The following PTPRD variants were observed in gnomAD, a reference collection of about 807,000 sequenced individuals.
The protein encoded by PTPRD is protein tyrosine phosphatase receptor type D, also known as receptor-type tyrosine-protein phosphatase delta.
Under a neutral mutation model 214.5 loss-of-function variants are expected in PTPRD, and 34 were observed. That is an observed-to-expected ratio of 0.16 (90% CI 0.12 to 0.21). The LOEUF is 0.21. PTPRD is among the 10% of genes least tolerant of loss of function. The pLI, the probability that PTPRD is intolerant of heterozygous loss-of-function variation, is 1.00. For synonymous variants in PTPRD, 1,128 were observed against 845.7 expected, an observed-to-expected ratio of 1.33 and a Z score of -5.79; for missense variants, 2,545 against 2,398.7, an observed-to-expected ratio of 1.06 and a Z score of -1.27.
At chr9:8,470,942 A>G (rs756531199) in intron 31 of PTPRD, 53 bp downstream of exon 31, 58 of 1,507,664 alleles carry the variant, frequency 3.8e-5, no homozygotes, top group Non-Finnish European at 5.1e-5. Context: ...GGGGGCGGAA[A>G]TGCAGCAGAT....
chr9:9,538,824 A>T (rs1234513239), intron 8 of PTPRD, among the ~76,000 whole-genome samples: 3 of 151,982 alleles, frequency 2.0e-5, no homozygotes, highest in Admixed American at 6.6e-5. Context: ...CTGAACCTAC[A>T]TTCAAATTCA....
At chr9:9,273,186 C>A (rs1320165924) in intron 9 of PTPRD, among the ~76,000 whole-genome samples, 3 of 151,172 alleles carry the variant, frequency 2.0e-5, no homozygotes, top group Admixed American at 6.6e-5. Context: ...CAATATATGG[C>A]AAAAATGATT....
chr9:9,460,871 T>C (rs1307179222), intron 8 of PTPRD, among the ~76,000 whole-genome samples: 1 of 152,074 alleles, frequency 6.6e-6, no homozygotes, highest in Non-Finnish European at 1.5e-5. Flanking sequence ...ATACCTGCAC[T>C]CTTACGTTTA....
intron 7 of PTPRD, among the ~76,000 whole-genome samples, chr9:9,602,840 T>C (rs1354640096): frequency 6.6e-6 from 1 of 152,168 alleles, no homozygotes; most frequent in Non-Finnish European, 1.5e-5. Context: ...GTTTATTATC[T>C]ATTCCCTCAA....
intron 14 of PTPRD, among the ~76,000 whole-genome samples, chr9:8,575,322 G>GT (rs1351901303): frequency 2.6e-5 from 4 of 152,242 alleles, no homozygotes; most frequent in South Asian, 2.1e-4. Context: ...ACACACTCAA[G>GT]TATTCTTTTT....
intron 9 of PTPRD, among the ~76,000 whole-genome samples, chr9:9,240,442 G>T (rs189044519): frequency 6.6e-6 from 1 of 152,146 alleles, no homozygotes; most frequent in Non-Finnish European, 1.5e-5. Context: ...GGAGGCCGAG[G>T]TGGGCAGATC....
chr9:9,649,828 T>G (rs1436056156), intron 7 of PTPRD, among the ~76,000 whole-genome samples: 2 of 152,226 alleles, frequency 1.3e-5, no homozygotes, highest in Admixed American at 6.5e-5. Context: ...TAATAAAATA[T>G]TTTGAATTTT....
chr9:9,812,734 G>A (rs2047532930), intron 5 of PTPRD, among the ~76,000 whole-genome samples: 1 of 152,012 alleles, frequency 6.6e-6, no homozygotes, highest in Non-Finnish European at 1.5e-5. Context: ...CATCCAGACA[G>A]AAAATCAATA....
intron 12 of PTPRD, among the ~76,000 whole-genome samples, chr9:8,665,484 G>A (rs572067097): frequency 6.6e-6 from 1 of 152,196 alleles, no homozygotes; most frequent in Non-Finnish European, 1.5e-5. Context: ...CAGCTACTGA[G>A]AGGAGGACAG....
intron 30 of PTPRD, among the ~76,000 whole-genome samples, chr9:8,478,274 T>C (rs958105725): frequency 6.6e-6 from 1 of 152,128 alleles, no homozygotes; most frequent in Non-Finnish European, 1.5e-5. Context: ...AAACACATGA[T>C]TAATTACTCT....
In PTPRD at chr9:8,521,265, C is replaced by A; in HGVS notation, c.961+12G>T. 2 of 1,604,330 alleles carry A rather than the reference C, an allele frequency of 1.2e-6. No individual in the cohort carries two copies. The highest frequency in any genetic ancestry group is 8.5e-7 in the Non-Finnish European group (1 of 1,174,364). ...GTACCCAGATCCTCAAAGCATAATCCATTGAGCATACCTTTGACAGTGATC... is the reference window on the plus strand; with the variant it reads ...GTACCCAGATCCTCAAAGCATAATCAATTGAGCATACCTTTGACAGTGATC... On this transcript the variant is annotated intron_variant, in intron 20 of 45. Transcript: ENST00000381196.
intron 11 of PTPRD, among the ~76,000 whole-genome samples, chr9:8,989,687 G>T (rs867181042): frequency 1.3e-5 from 2 of 151,864 alleles, no homozygotes; most frequent in African/African-American, 4.8e-5. Context: ...GTTTGGAAAG[G>T]CATGACCAAT....
At chr9:9,763,642 C>T (rs1297029079) in intron 6 of PTPRD, among the ~76,000 whole-genome samples, 1 of 152,122 alleles carries the variant, frequency 6.6e-6, no homozygotes, top group African/African-American at 2.4e-5. Context: ...CTATAATCTA[C>T]ATCTACCTTC....
At chr9:9,126,600 A>G (rs2099834296) in intron 10 of PTPRD, among the ~76,000 whole-genome samples, 1 of 152,214 alleles carries the variant, frequency 6.6e-6, no homozygotes, top group African/African-American at 2.4e-5. Flanking sequence ...AGTTATATAT[A>G]CATTTAAGAA....
At chr9:9,629,283 A>ATG (rs2095517880) in intron 7 of PTPRD, among the ~76,000 whole-genome samples, 2 of 148,446 alleles carry the variant, frequency 1.3e-5, no homozygotes, top group East Asian at 1.9e-4. Context: ...GTATGTATAT[A>ATG]TGTGTATATA....
At chr9:8,462,482 T>C (rs1299820314) in intron 32 of PTPRD, among the ~76,000 whole-genome samples, 1 of 152,014 alleles carries the variant, frequency 6.6e-6, no homozygotes, top group Non-Finnish European at 1.5e-5. Context: ...GATTCCCAAA[T>C]AAAACGTAGA....
chr9:8,521,033 C>G (rs1186003152), intron 20 of PTPRD, among the ~76,000 whole-genome samples: 2 of 152,024 alleles, frequency 1.3e-5, no homozygotes, highest in Non-Finnish European at 2.9e-5. Flanking sequence ...GCCTGGGCCT[C>G]CATGGACTGT....
At chr9:8,525,977 A>G (rs1219776001) in intron 17 of PTPRD, among the ~76,000 whole-genome samples, 2 of 152,140 alleles carry the variant, frequency 1.3e-5, no homozygotes, top group Non-Finnish European at 2.9e-5. Context: ...GAGTAATCCA[A>G]GAAAAAAAGA....
At chr9:8,650,262 G>C (rs1174254944) in intron 12 of PTPRD, among the ~76,000 whole-genome samples, 1 of 151,938 alleles carries the variant, frequency 6.6e-6, no homozygotes, top group Non-Finnish European at 1.5e-5. Flanking sequence ...GGGCACGGTG[G>C]CTCACGCCTG....
Sources: allele counts gnomAD v4.1 joint callset (sites outside exome capture counted in the v4.1 genomes callset), GRCh38; gene constraint gnomAD v4.1.1; transcripts MANE v1.5; gene names NCBI Gene and HGNC (gene_info 2026-07-23, HGNC 2026-07-21).